Variants in CAPRIN2 observed in about 807,000 individuals in gnomAD.
The protein encoded by CAPRIN2 is caprin family member 2, also known as caprin-2.
In CAPRIN2, 66 loss-of-function variants were observed where a neutral mutation model predicts 130.4. The observed-to-expected ratio is 0.51, with a 90% CI of 0.42 to 0.62. The LOEUF (loss-of-function observed/expected upper bound fraction) is 0.62, where lower values mean the gene tolerates loss of function less well. CAPRIN2 is among the 20% of genes least tolerant of loss of function. CAPRIN2 has a pLI of 0.00. For missense variants in CAPRIN2, 1,185 were observed against 1,246.6 expected (o/e 0.95, Z 0.74); for synonymous variants, 471 against 444.1 (o/e 1.06, Z -0.76).
At chr12:30,716,461 T>A (rs370930043) in intron 13 of CAPRIN2, 47 bp downstream of exon 15, 3 of 1,544,788 alleles carry the variant, frequency 1.9e-6, no homozygotes, top group Non-Finnish European at 8.9e-7. Flanking sequence ...GTCCATTCAA[T>A]TGGCTGTCCC....
chr12:30,727,690 A>C (rs551231750), intron 8 of CAPRIN2, among the ~76,000 whole-genome samples: 1 of 152,350 alleles, frequency 6.6e-6, no homozygotes, highest in Admixed American at 6.5e-5. Flanking sequence ...CAGGTTATTT[A>C]TCCTTAAAAG....
intron 5 of CAPRIN2, among the ~76,000 whole-genome samples, chr12:30,731,972 T>C (rs1341120989): frequency 2.0e-5 from 3 of 152,084 alleles, no homozygotes; most frequent in Non-Finnish European, 4.4e-5. Flanking sequence ...ATTAAGGCTT[T>C]AGAGAAGTAA....
At chr12:30,751,871 T>A (rs1409118070) in intron 1 of CAPRIN2, among the ~76,000 whole-genome samples, 2 of 151,498 alleles carry the variant, frequency 1.3e-5, no homozygotes, top group Non-Finnish European at 2.9e-5. Flanking sequence ...TAAATTGCAT[T>A]TGTTGGCCCC....
intron 3 of CAPRIN2, among the ~76,000 whole-genome samples, chr12:30,740,389 G>A (rs1250359515): frequency 1.3e-5 from 2 of 152,084 alleles, no homozygotes; most frequent in African/African-American, 4.8e-5. Context: ...TTCCACAATT[G>A]TTGGAACTTG....
chr12:30,740,912 T>G, intron 3 of CAPRIN2, 108 bp downstream of exon 4: 2 of 662,840 alleles, frequency 3.0e-6, no homozygotes, highest in Non-Finnish European at 5.3e-6. Context: ...TCAGCAGAAA[T>G]TAGAAGAATA....
chr12:30,730,742 G>C (rs1405199170), intron 6 of CAPRIN2, among the ~76,000 whole-genome samples: 1 of 152,054 alleles, frequency 6.6e-6, no homozygotes, highest in Non-Finnish European at 1.5e-5. Context: ...TAAGAACTAA[G>C]GGGAAATAAA....
At chr12:30,715,103 C>G in exon 14 of CAPRIN2, 11 of 1,614,054 alleles carry the variant, frequency 6.8e-6, no homozygotes, top group Middle Eastern at 1.7e-4. Flanking sequence ...GCAAGGCTAC[C>G]ATTGCTTACT....
Position 30,713,724 on chromosome 12 carries a change from A to G in CAPRIN2, c.2601+61T>C, listed in dbSNP as rs775313855. The G allele has an allele frequency of 2.4e-4, 234 of 957,576 alleles. 4 individuals carry two copies. Among genetic ancestry groups the G allele is most frequent in the Admixed American group, 7.6e-5 (4 of 52,424 alleles). The allele number at this position is 957,576 out of a possible 1,614,324, so 59.3% of individuals were successfully genotyped here. On this transcript the variant is annotated intron_variant, in intron 15 of 16. Coordinates refer to ENST00000298892, the Ensembl canonical transcript of CAPRIN2. ...AATTATGACTCTGCGATATACTTCA[A>G]TCACCAGCTTAACATCAACAACTGT...
At chr12:30,717,173 T>A (rs1266950315) in intron 12 of CAPRIN2, among the ~76,000 whole-genome samples, 1 of 152,152 alleles carries the variant, frequency 6.6e-6, no homozygotes, top group Non-Finnish European at 1.5e-5. Context: ...AGCCAAAAGG[T>A]ACAAACAACT....
At chr12:30,713,935 C>T (rs763988382) in intron 14 of CAPRIN2, 50 bp from the exon 17 acceptor site, 5 of 1,094,632 alleles carry the variant, frequency 4.6e-6, no homozygotes, top group Middle Eastern at 2.1e-4. Context: ...TCATATTAAA[C>T]TTTTAAACAG....
chr12:30,747,522 A>G (rs1311177178), intron 2 of CAPRIN2, among the ~76,000 whole-genome samples: 1 of 152,092 alleles, frequency 6.6e-6, no homozygotes, highest in Non-Finnish European at 1.5e-5. Context: ...CACTAAAAAC[A>G]CAAAATTAGC....
At chr12:30,726,485 T>G (rs569078070) in intron 8 of CAPRIN2, among the ~76,000 whole-genome samples, 7 of 152,138 alleles carry the variant, frequency 4.6e-5, no homozygotes, top group Admixed American at 1.3e-4. Context: ...AGTTTTAAGA[T>G]GTATCTGATT....
chr12:30,740,889 T>G (rs921613105), intron 3 of CAPRIN2, 131 bp downstream of exon 4: 11 of 608,592 alleles, frequency 1.8e-5, no homozygotes, highest in Non-Finnish European at 3.2e-5. Flanking sequence ...CAACCTTCCA[T>G]CACGATAAAA....
intron 1 of CAPRIN2, 65 bp downstream of exon 2, chr12:30,753,275 TGAAA>T: frequency 7.3e-7 from 1 of 1,361,752 alleles, no homozygotes; most frequent in South Asian, 1.4e-5. Context: ...CTATGAGCTC[TGAAA>T]GAAAAATGTC....
chr12:30,731,368 C>T (rs764495590), exon 6 of CAPRIN2: 10 of 1,612,588 alleles, frequency 6.2e-6, no homozygotes, highest in South Asian at 4.4e-5. Flanking sequence ...ATTCAGTCTT[C>T]GATAATTGTG....
At chr12:30,737,977 G>C (rs112293298) in intron 3 of CAPRIN2, among the ~76,000 whole-genome samples, 2,066 of 152,206 alleles carry the variant, frequency 0.014, 47 homozygotes, top group African/African-American at 0.047. Context: ...AAAGCAGAAT[G>C]TAACAAGGTC....
chr12:30,711,109 A>G (rs2054316297), intron 16 of CAPRIN2, among the ~76,000 whole-genome samples: 1 of 152,180 alleles, frequency 6.6e-6, no homozygotes, highest in African/African-American at 2.4e-5. Context: ...CTTCTCCCTT[A>G]TACAAACTTT....
chr12:30,726,109 G>A lies in CAPRIN2; in HGVS notation c.1783-21C>T. ...GGCACCTACAAGATAAACCCATAAT[G>A]TGTAAGAGTGAAATGCAAATTCAAG... is the stretch of plus-strand genomic sequence containing the variant. On this transcript the variant is annotated intron_variant, in intron 8 of 16. Transcript: ENST00000298892. 3 of 1,404,452 alleles carry A rather than the reference G, an allele frequency of 2.1e-6. No homozygotes were observed. In the South Asian group the frequency reaches 5.5e-5, roughly 26 times the overall value. 87.0% of individuals were successfully genotyped at this position (1,404,452 alleles called of 1,614,324 possible). A position where few individuals can be genotyped will look rare whatever the true frequency, so the allele number is the denominator to read the frequency against.
exon 8 of CAPRIN2, chr12:30,728,898 G>A: frequency 6.2e-7 from 1 of 1,614,196 alleles, no homozygotes; most frequent in Non-Finnish European, 8.5e-7. Context: ...AGACTTTGGA[G>A]TTTGCTTCTT....
Sources: allele counts gnomAD v4.1 joint callset (sites outside exome capture counted in the v4.1 genomes callset), GRCh38; gene constraint gnomAD v4.1.1; transcripts MANE v1.5; gene names NCBI Gene and HGNC (gene_info 2026-07-23, HGNC 2026-07-21).